ZNF365: variants seen among roughly 807,000 people sequenced by gnomAD.
ZNF365 encodes protein ZNF365.
Under a neutral mutation model 35.0 loss-of-function variants are expected in ZNF365, and 22 were observed. That is an observed-to-expected ratio of 0.63 (90% confidence interval 0.45 to 0.90). The LOEUF is 0.90. Ranked by LOEUF, ZNF365 falls within the 40% of genes least tolerant of loss-of-function variation. ZNF365 has a pLI of 0.00. For missense variants in ZNF365, 448 were observed against 500.3 expected (o/e 0.90, Z 1.00); for synonymous variants, 188 against 196.2 (o/e 0.96, Z 0.35).
At position 62,428,812 on chromosome 10, in the gene ZNF365, T is replaced by C. The variant is rs377325797; in HGVS notation, c.925-30929T>C. On this transcript the variant is annotated intron_variant, in intron 3 of 4. Coordinates refer to the ZNF365 transcript ENST00000395255. ...CTAGACTCCTTCCCTAGATATGTTC[T>C]TTTTCAGGGGCTCTCCCAGTGGTAT... 3.3e-5 allele frequency among the ~76,000 whole-genome samples: 5 copies of C among 152,314 alleles called. No homozygotes were observed. In the East Asian group the frequency reaches 5.8e-4, roughly 18 times the overall value.
At chr10:62,377,165 C>A (rs74848685) in intron 2 of ZNF365, among the ~76,000 whole-genome samples, 1,701 of 152,292 alleles carry the variant, frequency 0.011, 25 homozygotes, top group African/African-American at 0.035. Flanking sequence ...TCCTTCTCAA[C>A]TGGGAATTTG....
intron 3 of ZNF365, among the ~76,000 whole-genome samples, chr10:62,408,415 G>T (rs372693522): frequency 6.6e-6 from 1 of 152,088 alleles, no homozygotes; most frequent in Non-Finnish European, 1.5e-5. Context: ...AAACAGATAG[G>T]TATTAACATA....
At chr10:62,478,445 A>G (rs2132497485) in intron 4 of ZNF365, among the ~76,000 whole-genome samples, 1 of 152,316 alleles carries the variant, frequency 6.6e-6, no homozygotes, top group African/African-American at 2.4e-5. Context: ...TCTTACTTTT[A>G]CATTATTGTC....
At chr10:62,434,167 C>T (rs1350252822) in intron 3 of ZNF365, among the ~76,000 whole-genome samples, 1 of 152,128 alleles carries the variant, frequency 6.6e-6, no homozygotes, top group Non-Finnish European at 1.5e-5. Flanking sequence ...TTAACCAGCA[C>T]CTTGGGTGAT....
At chr10:62,427,402 C>A (rs1057192300) in intron 3 of ZNF365, among the ~76,000 whole-genome samples, 2 of 152,126 alleles carry the variant, frequency 1.3e-5, no homozygotes, top group African/African-American at 4.8e-5. Flanking sequence ...ATAGGCTATA[C>A]CACATACCCT....
Position 62,376,478 on chromosome 10 carries a change from A to G in ZNF365, c.285A>G (p.Lys95=), listed in dbSNP as rs1839331402. The part of the protein sequence containing the change: ...LQSSGNVVKQ[K]PSYVNLYSIS... ...GCAGTGGCAACGTGGTAAAGCAGAA[A>G]CCGAGCTATGTTAACTTGTACAGCA... The change falls in exon 2 of 5, where the codon AAA becomes AAG. Residue 95 remains lysine (K), a synonymous_variant. Coordinates refer to ENST00000395254, the MANE Select transcript of ZNF365 (RefSeq NM_014951.3). The G allele has an allele frequency of 6.2e-7, 1 of 1,614,066 alleles. No homozygotes were observed. The highest frequency in any genetic ancestry group is 1.7e-5 in the Admixed American group (1 of 60,008).
intron 3 of ZNF365, among the ~76,000 whole-genome samples, chr10:62,424,862 A>G (rs1840227860): frequency 6.6e-6 from 1 of 152,178 alleles, no homozygotes; most frequent in African/African-American, 2.4e-5. Context: ...TTATTTCAAG[A>G]TGGAAAACGT....
Position 62,427,432 on chromosome 10 carries a change from C to T in ZNF365, c.925-32309C>T, listed in dbSNP as rs373110498. ...TACCCTAGGAATGTAGCAGGCTATG[C>T]CAGCTAGGTGTGTGTGAGTACACTC... is the stretch of plus-strand genomic sequence containing the variant. On this transcript the variant is annotated intron_variant, in intron 3 of 4. Coordinates refer to the ZNF365 transcript ENST00000395255. Among the ~76,000 whole-genome samples the T allele has an allele frequency of 3.3e-5, 5 of 152,240 alleles. No individual in the cohort carries two copies. The East Asian group carries it at 5.8e-4, about 18-fold the overall frequency.
chr10:62,443,329 C>G (rs1030582284), intron 3 of ZNF365, among the ~76,000 whole-genome samples: 3 of 152,154 alleles, frequency 2.0e-5, no homozygotes, highest in African/African-American at 7.2e-5. Context: ...AAACAGAGAC[C>G]CTCAATGTCT....
At chr10:62,450,497 G>A (rs1589460542) in intron 3 of ZNF365, among the ~76,000 whole-genome samples, 2 of 152,138 alleles carry the variant, frequency 1.3e-5, no homozygotes, top group Non-Finnish European at 1.5e-5. Flanking sequence ...TTTGAACAAG[G>A]AGCCCTGTAT....
At chr10:62,419,956 T>C (rs977545986) in intron 3 of ZNF365, among the ~76,000 whole-genome samples, 1 of 152,150 alleles carries the variant, frequency 6.6e-6, no homozygotes, top group Non-Finnish European at 1.5e-5. Context: ...ATTCCTGGTT[T>C]GCTAAGATAT....
chr10:62,473,747 C>T (rs557549318), intron 4 of ZNF365, among the ~76,000 whole-genome samples: 4 of 152,010 alleles, frequency 2.6e-5, no homozygotes, highest in South Asian at 4.2e-4. Context: ...GTTAGTGTAT[C>T]GATTAGAATG....
chr10:62,450,969 A>G (rs528152732), intron 3 of ZNF365, among the ~76,000 whole-genome samples: 4 of 152,290 alleles, frequency 2.6e-5, no homozygotes, highest in African/African-American at 9.6e-5. Context: ...TTTTTGAACA[A>G]GAGCACAATC....
chr10:62,450,746 A>G (rs1840668497), intron 3 of ZNF365, among the ~76,000 whole-genome samples: 1 of 152,266 alleles, frequency 6.6e-6, no homozygotes, highest in African/African-American at 2.4e-5. Context: ...GCATATGGAT[A>G]TAAGTAAAGA....
At chr10:62,450,393 A>G (rs1840661370) in intron 3 of ZNF365, among the ~76,000 whole-genome samples, 1 of 152,184 alleles carries the variant, frequency 6.6e-6, no homozygotes, top group Non-Finnish European at 1.5e-5. Context: ...TGATTTTTCC[A>G]AGTCACACAG....
At chr10:62,412,835 G>A (rs185452622) in intron 3 of ZNF365, among the ~76,000 whole-genome samples, 1 of 152,240 alleles carries the variant, frequency 6.6e-6, no homozygotes, top group Non-Finnish European at 1.5e-5. Context: ...CATGAAAATG[G>A]TCATACTACC....
intron 2 of ZNF365, among the ~76,000 whole-genome samples, chr10:62,384,853 T>G (rs953236359): frequency 2.0e-5 from 3 of 152,148 alleles, no homozygotes; most frequent in Non-Finnish European, 4.4e-5. Flanking sequence ...TTGTTTGGAG[T>G]GTAATTATGA....
At chr10:62,387,116 G>A (rs1839538395) in intron 2 of ZNF365, among the ~76,000 whole-genome samples, 1 of 152,122 alleles carries the variant, frequency 6.6e-6, no homozygotes, top group Non-Finnish European at 1.5e-5. Context: ...AACATACAAG[G>A]GTGATGACTA....
chr10:62,476,099 G>T, intron 4 of ZNF365, among the ~76,000 whole-genome samples: 1 of 152,078 alleles, frequency 6.6e-6, no homozygotes, highest in Admixed American at 6.5e-5. Flanking sequence ...TTTTTTGTGG[G>T]GAGGGGTAGG....
Sources: gnomAD v4.1 joint callset for allele counts (sites outside exome capture counted in the v4.1 genomes callset) on GRCh38, gnomAD v4.1.1 for gene constraint, MANE v1.5 for transcripts, NCBI Gene and HGNC (gene_info 2026-07-23, HGNC 2026-07-21) for gene names.